SUGP2: variants seen among roughly 807,000 people sequenced by gnomAD.
The protein encoded by SUGP2 is SURP and G-patch domain containing 2.
SUGP2 carries 24 observed loss-of-function variants against 90.5 expected under a neutral mutation model. That is an observed-to-expected ratio of 0.27 (90% confidence interval 0.19 to 0.37). The LOEUF (loss-of-function observed/expected upper bound fraction) is 0.37. SUGP2 is among the 10% of genes least tolerant of loss of function. The probability of loss-of-function intolerance (pLI) is 1.00; values close to 1 mark genes in which losing one functional copy is unlikely to be tolerated. For synonymous variants in SUGP2, 473 were observed against 513.4 expected (o/e 0.92, Z 1.06); for missense variants, 1,233 against 1,363.3 (o/e 0.90, Z 1.51).
In SUGP2 at chr19:19,025,826, T is replaced by C. The variant is rs781094526; in HGVS notation, c.522A>G (p.Gly174=). 23 of 1,613,880 alleles carry C rather than the reference T, an allele frequency of 1.4e-5. No individual in the cohort carries two copies. Among genetic ancestry groups the C allele is most frequent in the Non-Finnish European group, 1.9e-5 (23 of 1,180,008 alleles). Residue 174 remains glycine (G), a synonymous_variant, in exon 3 of 11, where the codon GGA becomes GGG. Transcript: ENST00000452918. The part of the protein sequence containing the change: ...FGPSAVLGDF[G]SSRLIEKECL... ...ACTCTTTCTCAATCAGCCTGGAAGATCCAAAGTCCCCCAAAACTGCAGAGG... is the reference window on the plus strand; with the variant it reads ...ACTCTTTCTCAATCAGCCTGGAAGACCCAAAGTCCCCCAAAACTGCAGAGG...
intron 6 of SUGP2, among the ~76,000 whole-genome samples, chr19:19,005,090 G>T (rs956316972): frequency 2.0e-5 from 3 of 152,166 alleles, no homozygotes; most frequent in Non-Finnish European, 4.4e-5. Context: ...GTGCACCATG[G>T]AACCGTAAGG....
intron 5 of SUGP2, among the ~76,000 whole-genome samples, chr19:19,009,390 C>A (rs1349532688): frequency 6.6e-6 from 1 of 152,174 alleles, no homozygotes; most frequent in Non-Finnish European, 1.5e-5. Context: ...ACAGAAGAAA[C>A]AGAAGGGGTG....
chr19:18,997,746 G>GCA (rs2057662901), intron 8 of SUGP2, among the ~76,000 whole-genome samples: 1 of 135,976 alleles, frequency 7.4e-6, no homozygotes, highest in Non-Finnish European at 1.5e-5. Flanking sequence ...TCATGCCATT[G>GCA]CACTCCAGCC....
chr19:19,010,306 A>G lies in SUGP2; in HGVS notation c.1887T>C (p.Tyr629=). The G allele has an allele frequency of 6.2e-7, 1 of 1,613,354 alleles. No homozygotes were observed. The highest frequency in any genetic ancestry group is 8.5e-7 in the Non-Finnish European group (1 of 1,180,036). ...LSDENSLEYK[Y]YKLKLAEMQR... ...GCATTTCTGCCAACTTCAGCTTGTA[A>G]TATTTATACTCCAGACTATTTTCAT... is the stretch of plus-strand genomic sequence containing the variant. The change falls in exon 5 of 11, where the codon TAT becomes TAC. Residue 629 remains tyrosine (Y), a synonymous_variant. Transcript: ENST00000452918.
chr19:19,004,322 G>A lies in SUGP2; in HGVS notation c.2775C>T (p.Pro925=), dbSNP rs766608654. ...CCAGGTCGTCCTCGGCAGCCTCGCC[G>A]GGAAGGCCGTCGGCAGGGGTGCTGC... The part of the protein sequence containing the change: ...SEGSTPADGL[P]GEAAEDDLAG... Residue 925 remains proline, a synonymous_variant, in exon 7 of 11, where the codon CCC becomes CCT. Coordinates refer to ENST00000452918, the MANE Select transcript of SUGP2 (RefSeq NM_001017392.5). The A allele has an allele frequency of 7.1e-5, 114 of 1,613,326 alleles. No individual in the cohort carries two copies. The highest frequency in any genetic ancestry group is 8.7e-5 in the Non-Finnish European group (103 of 1,179,606).
chr19:19,010,420 C>T, intron 4 of SUGP2, 78 bp from the exon 5 acceptor site: 1 of 1,543,982 alleles, frequency 6.5e-7, no homozygotes, highest in East Asian at 2.3e-5. Context: ...AACACAAACC[C>T]TTTCTAAGTG....
intron 5 of SUGP2, among the ~76,000 whole-genome samples, chr19:19,009,525 G>C (rs1047751907): frequency 3.3e-5 from 5 of 152,274 alleles, no homozygotes; most frequent in African/African-American, 1.2e-4. Flanking sequence ...AGGGAGGCCA[G>C]GATATAGCAG....
At chr19:19,021,631 G>A (rs1258724929) in intron 3 of SUGP2, among the ~76,000 whole-genome samples, 1 of 151,696 alleles carries the variant, frequency 6.6e-6, no homozygotes, top group Non-Finnish European at 1.5e-5. Flanking sequence ...AAAACTAACA[G>A]TAATAACCAA....
intron 3 of SUGP2, 141 bp from the exon 4 acceptor site, chr19:19,019,370 A>G (rs2058622794): frequency 6.4e-6 from 6 of 935,180 alleles, no homozygotes; most frequent in Non-Finnish European, 9.1e-6. Context: ...AGACACCAGC[A>G]TTGAAAAGAG....
At position 19,025,651 on chromosome 19, in the gene SUGP2, C is replaced by T; in HGVS notation, c.697G>A (p.Gly233Ser). 6.2e-7 allele frequency: 1 copy of T among 1,613,994 alleles called. No homozygotes were observed. Among genetic ancestry groups the T allele is most frequent in the Non-Finnish European group, 8.5e-7 (1 of 1,179,998 alleles). Residue 233 changes from glycine to serine, a missense_variant, in exon 3 of 11, where the codon GGC becomes AGC. Gly to Ser is a moderately conservative substitution (Grantham distance 56). Coordinates refer to ENST00000452918, the MANE Select transcript of SUGP2 (RefSeq NM_001017392.5). ...ACACCCCCCTTAGCTGTGAGCAGGC[C>T]CTGAGTCTCCCCCTTTCCTAGGAGG... ...GSLLGKGETQ[G>S]LLTAKGGVGK...
chr19:19,018,985 T>C, intron 4 of SUGP2, 124 bp downstream of exon 4: 1 of 1,138,562 alleles, frequency 8.8e-7, no homozygotes. Context: ...CCTCATGCTC[T>C]TCTCACTGGA....
In SUGP2 at chr19:19,003,046, C is replaced by T. The variant is rs1023831938; in HGVS notation, c.2929+1122G>A. Reference sequence around the variant, plus strand: ...CTGGTCTCAAGCTCCCGGGCTCAAGCGATCCTCTTGCCTCAGTCCCGCTAA... The same window carrying T: ...CTGGTCTCAAGCTCCCGGGCTCAAGTGATCCTCTTGCCTCAGTCCCGCTAA... On this transcript the variant is annotated intron_variant, in intron 7 of 10. Coordinates refer to ENST00000452918, the MANE Select transcript of SUGP2 (RefSeq NM_001017392.5). Among the ~76,000 whole-genome samples, 12 of 152,124 alleles carry T rather than the reference C, an allele frequency of 7.9e-5. No homozygotes were observed. The East Asian group carries it at 9.6e-4, about 12-fold the overall frequency.
chr19:19,013,336 C>A (rs138235176), intron 4 of SUGP2, among the ~76,000 whole-genome samples: 1 of 152,278 alleles, frequency 6.6e-6, no homozygotes, highest in Non-Finnish European at 1.5e-5. Flanking sequence ...CTAAACAATT[C>A]TCTACATCCT....
intron 6 of SUGP2, among the ~76,000 whole-genome samples, chr19:19,005,067 A>C (rs1395782058): frequency 6.6e-6 from 1 of 152,166 alleles, no homozygotes; most frequent in Non-Finnish European, 1.5e-5. Flanking sequence ...CTGCACAGTT[A>C]CTGCTGGAAC....
intron 4 of SUGP2, among the ~76,000 whole-genome samples, chr19:19,011,671 T>C (rs2058317534): frequency 6.6e-6 from 1 of 152,178 alleles, no homozygotes; most frequent in South Asian, 2.1e-4. Context: ...ATTTCCTGGG[T>C]GTGCTGTGAT....
At position 19,025,632 on chromosome 19, in the gene SUGP2, C is replaced by T. The variant is rs746791242; in HGVS notation, c.716G>A (p.Gly239Glu). ...CAATGTGACAAGTTTCCCAACACCCCCCTTAGCTGTGAGCAGGCCCTGAGT... is the reference window on the plus strand; with the variant it reads ...CAATGTGACAAGTTTCCCAACACCCTCCTTAGCTGTGAGCAGGCCCTGAGT... ...GETQGLLTAK[G>E]GVGKLVTLRN... The change falls in exon 3 of 11, where the codon GGG (glycine) becomes GAG (glutamate). Residue 239 changes from glycine (G) to glutamate (E), a missense_variant. Transcript: ENST00000452918. The T allele has an allele frequency of 8.1e-6, 13 of 1,614,040 alleles. No individual in the cohort carries two copies. Among genetic ancestry groups the T allele is most frequent in the Non-Finnish European group, 1.1e-5 (13 of 1,180,028 alleles).
At chr19:18,994,220 T>C (rs903789773) in intron 10 of SUGP2, 146 bp downstream of exon 10, 8 of 1,140,404 alleles carry the variant, frequency 7.0e-6, no homozygotes, top group African/African-American at 6.1e-5. Flanking sequence ...ATAGACCCTT[T>C]TGTTTCCCTC....
At position 19,002,505 on chromosome 19, in the gene SUGP2, G is replaced by GTTTT. The variant is rs58282570; in HGVS notation, c.2930-835_2930-832dup. Reference sequence around the variant, plus strand: ...TTATGAAAGGGAGATTAGCAAGTCTGTTTTTTTTTTTTTTTTTTTTTTTTT... The same window carrying GTTTT: ...TTATGAAAGGGAGATTAGCAAGTCTGTTTTTTTTTTTTTTTTTTTTTTTTTTTTT... On this transcript the variant is annotated intron_variant, in intron 7 of 10. Transcript: ENST00000452918. 1.8e-3 allele frequency among the ~76,000 whole-genome samples: 110 copies of GTTTT among 61,118 alleles called. 1 individual carries two copies. Among genetic ancestry groups the GTTTT allele is most frequent in the Non-Finnish European group, 2.0e-3 (70 of 34,896 alleles). 40.1% of individuals were successfully genotyped at this position (61,118 alleles called of 152,430 possible). A position where few individuals can be genotyped will look rare whatever the true frequency, so the allele number is the denominator to read the frequency against.
chr19:19,021,591 T>C (rs1449628462), intron 3 of SUGP2, among the ~76,000 whole-genome samples: 1 of 152,060 alleles, frequency 6.6e-6, no homozygotes, highest in Non-Finnish European at 1.5e-5. Context: ...CTCCTGAGAA[T>C]GTACCCTTTC....
Sources: allele counts gnomAD v4.1 joint callset (sites outside exome capture counted in the v4.1 genomes callset), GRCh38; gene constraint gnomAD v4.1.1; transcripts MANE v1.5; gene names NCBI Gene and HGNC (gene_info 2026-07-23, HGNC 2026-07-21).